Variants in BMP1 observed in about 807,000 individuals in gnomAD.
The protein encoded by BMP1 is bone morphogenetic protein 1, also known as mammalian tolloid protein.
BMP1 carries 63 observed loss-of-function variants against 116.8 expected under a neutral mutation model. That is an observed-to-expected ratio of 0.54 (90% confidence interval 0.44 to 0.67). The LOEUF (loss-of-function observed/expected upper bound fraction) is 0.67. Ranked by LOEUF, BMP1 falls within the 30% of genes least tolerant of loss-of-function variation. The pLI is 0.00. For missense variants in BMP1, 1,183 were observed against 1,358.9 expected (o/e 0.87, Z 2.04); for synonymous variants, 536 against 533.4 (o/e 1.00, Z -0.07).
chr8:22,182,018 G>A (rs1828636719), intron 8 of BMP1, among the ~76,000 whole-genome samples: 1 of 152,044 alleles, frequency 6.6e-6, no homozygotes, highest in Non-Finnish European at 1.5e-5. Flanking sequence ...ATCCATTCCC[G>A]GTCTTTTCAC....
In BMP1 at chr8:22,180,435, T is replaced by C; in HGVS notation, c.1029T>C (p.Ser343=). The change falls in exon 8 of 20, where the codon TCT becomes TCC. Residue 343 remains serine, a synonymous_variant. Coordinates refer to ENST00000306385, the MANE Select transcript of BMP1 (RefSeq NM_006129.5). ...CCCCTGAATACCCCAATGGCTACTC[T>C]GCTCACATGCACTGCGTGTGGCGCA... The part of the protein sequence containing the change: ...FSSPEYPNGY[S]AHMHCVWRIS... The C allele has an allele frequency of 6.2e-7, 1 of 1,614,078 alleles. No homozygotes were observed. Among genetic ancestry groups the C allele is most frequent in the Non-Finnish European group, 8.5e-7 (1 of 1,179,978 alleles).
chr8:22,173,546 C>A, intron 1 of BMP1, 56 bp from the exon 2 acceptor site: 1 of 1,368,816 alleles, frequency 7.3e-7, no homozygotes, highest in Non-Finnish European at 1.0e-6. Context: ...AAGCACGGTG[C>A]ACCTAGGGCT....
chr8:22,177,047 A>G lies in BMP1; in HGVS notation c.638A>G (p.His213Arg). The part of the protein sequence containing the change: ...KNCDKFGIVV[H>R]ELGHVVGFWH... ...TGTGACAAGTTCGGCATTGTGGTCC[A>G]CGAGCTGGGCCACGTCGTCGGCTTC... Residue 213 changes from histidine to arginine, a missense_variant, in exon 5 of 20, where the codon CAC (histidine) becomes CGC (arginine). This residue lies in a region of BMP1 where 956 missense variants were observed against 1,135.2 expected (regional missense o/e 0.84). Coordinates refer to ENST00000306385, the MANE Select transcript of BMP1 (RefSeq NM_006129.5). 6.2e-7 allele frequency: 1 copy of G among 1,612,926 alleles called. No homozygotes were observed. Among genetic ancestry groups the G allele is most frequent in the Non-Finnish European group, 8.5e-7 (1 of 1,179,596 alleles).
intron 2 of BMP1, 80 bp from the exon 3 acceptor site, chr8:22,176,063 A>G: frequency 6.8e-7 from 1 of 1,462,284 alleles, no homozygotes; most frequent in Non-Finnish European, 9.3e-7. Flanking sequence ...CACAGAATCC[A>G]TGAAAAATGA....
chr8:22,185,154 T>C (rs189870884), intron 8 of BMP1, among the ~76,000 whole-genome samples: 73 of 152,164 alleles, frequency 4.8e-4, no homozygotes, highest in Middle Eastern at 3.4e-3. Flanking sequence ...GAGGAGACGG[T>C]TTTAAGAAGG....
intron 5 of BMP1, 38 bp from the exon 6 acceptor site, chr8:22,177,814 C>T (rs372755884): frequency 1.3e-5 from 20 of 1,489,940 alleles, no homozygotes; most frequent in Non-Finnish European, 1.9e-5. Context: ...AGACCCACCC[C>T]CTCCTCTCCC....
chr8:22,207,868 T>G (rs1019300838), intron 18 of BMP1, among the ~76,000 whole-genome samples: 1 of 150,304 alleles, frequency 6.7e-6, no homozygotes, highest in Non-Finnish European at 1.5e-5. Context: ...ATATTTATTT[T>G]TTTATTTTTA....
At chr8:22,210,370 T>TTC in intron 19 of BMP1, among the ~76,000 whole-genome samples, 1 of 69,592 alleles carries the variant, frequency 1.4e-5, no homozygotes, top group Non-Finnish European at 2.9e-5. Flanking sequence ...TCTTCTTCTT[T>TTC]TTTTTTTTTT....
In BMP1 at chr8:22,195,475, C is replaced by T. The variant is rs1829054877; in HGVS notation, c.1653C>T (p.Cys551=). 1.2e-6 allele frequency: 2 copies of T among 1,609,346 alleles called. No individual in the cohort carries two copies. Among genetic ancestry groups the T allele is most frequent in the Admixed American group, 3.4e-5 (2 of 58,464 alleles). Residue 551 remains cysteine, a synonymous_variant, in exon 13 of 20, where the codon TGC becomes TGT. Transcript: ENST00000306385. ...TTCCCACCACAGAGGTGGACGAGTG[C>T]TCTCGGCCCAACCGCGGGGGCTGTG... ...AVNFFKEVDE[C]SRPNRGGCEQ... is the part of the protein sequence containing the mutation.
At chr8:22,199,149 G>A (rs774875499) in intron 15 of BMP1, 17 of 1,367,242 alleles carry the variant, frequency 1.2e-5, no homozygotes, top group East Asian at 4.6e-5. Context: ...ACGCCCACAC[G>A]CACACACATG....
chr8:22,185,998 G>A (rs1175340694), intron 8 of BMP1, among the ~76,000 whole-genome samples: 1 of 152,038 alleles, frequency 6.6e-6, no homozygotes, highest in Non-Finnish European at 1.5e-5. Context: ...ACCACGCCCG[G>A]CTAATTTTTG....
Position 22,205,931 on chromosome 8 carries a change from G to A in BMP1, c.2234-923G>A, listed in dbSNP as rs948976648. On this transcript the variant is annotated intron_variant, in intron 16 of 19. Transcript: ENST00000306385. The stretch of plus-strand genomic sequence containing the variant: ...GACAAAGCCCTCAAGGAACCGAGAG[G>A]CCGTCTTGGGTGGACCGTTATATGT... Among the ~76,000 whole-genome samples, 8 of 152,270 alleles carry A rather than the reference G, an allele frequency of 5.3e-5. No individual in the cohort carries two copies. In the East Asian group the frequency reaches 1.2e-3, roughly 22 times the overall value.
intron 14 of BMP1, 111 bp downstream of exon 14, chr8:22,196,951 A>C (rs1271036129): frequency 2.2e-6 from 3 of 1,368,560 alleles, no homozygotes; most frequent in East Asian, 2.5e-5. Context: ...ACACTCTGCA[A>C]ATATCGAGGA....
chr8:22,197,443 C>T (rs202234978), intron 15 of BMP1, 23 bp downstream of exon 15: 2 of 1,585,636 alleles, frequency 1.3e-6, no homozygotes, highest in Admixed American at 1.7e-5. Context: ...TGCCCAGCTC[C>T]TAGCCCCACC....
At chr8:22,195,059 G>T (rs1829043000) in intron 12 of BMP1, 140 bp downstream of exon 12, 1 of 914,432 alleles carries the variant, frequency 1.1e-6, no homozygotes, top group African/African-American at 1.7e-5. Context: ...AGGAGCTCTG[G>T]GCTAGCTGGG....
intron 8 of BMP1, 61 bp downstream of exon 8, chr8:22,180,544 C>A: frequency 1.4e-6 from 2 of 1,472,406 alleles, no homozygotes; most frequent in Non-Finnish European, 1.9e-6. Context: ...ACCTCAGGGA[C>A]TTCTCCCACA....
chr8:22,212,043 ATCCCTGTGTC>A lies in BMP1; in HGVS notation c.*318_*327del. On this transcript the variant is annotated 3_prime_UTR_variant, in exon 20 of 20. Coordinates refer to ENST00000306385, the MANE Select transcript of BMP1 (RefSeq NM_006129.5). ...GGAATGTCAGCAGGACCCCATCGCCATCCCTGTGTCTCTACACGCTGTATTGTGTATCACC... is the reference window on the plus strand; with the variant it reads ...GGAATGTCAGCAGGACCCCATCGCCATCTACACGCTGTATTGTGTATCACC... The A allele has an allele frequency of 9.7e-6, 4 of 411,384 alleles. No homozygotes were observed. Among genetic ancestry groups the A allele is most frequent in the Admixed American group, 3.5e-5 (1 of 28,570 alleles). 25.5% of individuals were successfully genotyped at this position (411,384 alleles called of 1,614,324 possible).
chr8:22,182,517 C>T (rs1828651510), intron 8 of BMP1, among the ~76,000 whole-genome samples: 1 of 152,204 alleles, frequency 6.6e-6, no homozygotes, highest in African/African-American at 2.4e-5. Context: ...GTCGTTGGCC[C>T]AGGAAGTGTT....
intron 18 of BMP1, 98 bp from the exon 19 acceptor site, chr8:22,209,347 G>T (rs903297424): frequency 9.1e-6 from 14 of 1,532,408 alleles, no homozygotes; most frequent in Non-Finnish European, 9.6e-6. Flanking sequence ...CTTCACCCAG[G>T]CCTCCATCCT....
Sources: allele counts gnomAD v4.1 joint callset (sites outside exome capture counted in the v4.1 genomes callset), GRCh38; gene constraint gnomAD v4.1.1; regional missense constraint gnomAD v4.1.1; transcripts MANE v1.5; gene names NCBI Gene and HGNC (gene_info 2026-07-23, HGNC 2026-07-21).